Variants in SRRM4 observed in about 807,000 individuals in gnomAD.
SRRM4 encodes the protein serine/arginine repetitive matrix protein 4.
A neutral mutation model predicts 68.9 loss-of-function variants in SRRM4; 33 were observed. The observed-to-expected ratio is 0.48, with a 90% confidence interval of 0.36 to 0.64. SRRM4 has a LOEUF of 0.64. Ranked by LOEUF, SRRM4 falls within the 30% of genes least tolerant of loss-of-function variation. The pLI is 0.00. For missense variants in SRRM4, 817 were observed against 827.1 expected (o/e 0.99, Z 0.15); for synonymous variants, 318 against 318.8 (o/e 1.00, Z 0.03).
At chr12:119,134,139 C>A (rs887733972) in intron 8 of SRRM4, among the ~76,000 whole-genome samples, 3 of 152,066 alleles carry the variant, frequency 2.0e-5, no homozygotes, top group Non-Finnish European at 4.4e-5. Context: ...ACATGCACAG[C>A]TTTTTTAAAA....
rs538683945 is a variant in SRRM4 at position 118,999,236 on chromosome 12, C to T, written c.131+17223C>T. On this transcript the variant is annotated intron_variant, in intron 1 of 12. Coordinates refer to ENST00000267260, the MANE Select transcript of SRRM4 (RefSeq NM_194286.4). Reference sequence around the variant, plus strand: ...CAAGTCCAGGAGGGAGAGTCCTGCACCTGGGGAGCTATTTCTGGCCGTGTG... The same window carrying T: ...CAAGTCCAGGAGGGAGAGTCCTGCATCTGGGGAGCTATTTCTGGCCGTGTG... Among the ~76,000 whole-genome samples the T allele has an allele frequency of 2.0e-5, 3 of 152,266 alleles. No individual in the cohort carries two copies. The South Asian group carries it at 6.2e-4, about 32-fold the overall frequency.
At chr12:119,030,849 C>T (rs1953584744) in intron 1 of SRRM4, among the ~76,000 whole-genome samples, 1 of 152,110 alleles carries the variant, frequency 6.6e-6, no homozygotes, top group Non-Finnish European at 1.5e-5. Context: ...ATATGGTTCA[C>T]CTGTATTATA....
chr12:119,070,003 G>A (rs1482355023), intron 1 of SRRM4, among the ~76,000 whole-genome samples: 2 of 152,078 alleles, frequency 1.3e-5, no homozygotes, highest in East Asian at 3.9e-4. Flanking sequence ...AGGTGTTAGG[G>A]GCCGGGGGCA....
chr12:119,155,933 C>G (rs1367909192), intron 12 of SRRM4, among the ~76,000 whole-genome samples: 1 of 152,164 alleles, frequency 6.6e-6, no homozygotes, highest in Admixed American at 6.5e-5. Context: ...AAATGGCTGT[C>G]TAGTTTCTTT....
At position 119,157,913 on chromosome 12, in the gene SRRM4, A is replaced by T. The variant is rs1954484380; in HGVS notation, c.*1115A>T. The T allele has an allele frequency of 6.5e-6, 1 of 152,744 alleles. No individual in the cohort carries two copies. Among genetic ancestry groups the T allele is most frequent in the Admixed American group, 6.6e-5 (1 of 15,256 alleles). The allele number at this position is 152,744 out of a possible 1,614,324, so 9.5% of individuals were successfully genotyped here. On this transcript the variant is annotated 3_prime_UTR_variant, in exon 13 of 13. Coordinates refer to ENST00000267260, the MANE Select transcript of SRRM4 (RefSeq NM_194286.4). The surrounding 1 kb of genome is among the most constrained non-coding windows in gnomAD (Gnocchi z 4.1). ...GAATTTTGCCAGGATGGGGCACAGC[A>T]GCTCAGGTTTGGGGGAAAAGACCCG...
At chr12:119,083,218 C>T (rs895095473) in intron 1 of SRRM4, among the ~76,000 whole-genome samples, 4 of 152,026 alleles carry the variant, frequency 2.6e-5, no homozygotes, top group Admixed American at 6.5e-5. Flanking sequence ...TCTGAGCACA[C>T]CAGCTTGACT....
intron 1 of SRRM4, among the ~76,000 whole-genome samples, chr12:119,064,095 G>C (rs1658941435): frequency 6.6e-6 from 1 of 152,162 alleles, no homozygotes; most frequent in Non-Finnish European, 1.5e-5. Context: ...AGCAGGGTGA[G>C]AGCAACTCCA....
chr12:119,007,836 T>A (rs1953425230), intron 1 of SRRM4, among the ~76,000 whole-genome samples: 1 of 152,190 alleles, frequency 6.6e-6, no homozygotes, highest in East Asian at 1.9e-4. Context: ...GAGTGTTGCT[T>A]TTTGGTGGTT....
At position 118,987,374 on chromosome 12, in the gene SRRM4, G is replaced by C. The variant is rs552404646; in HGVS notation, c.131+5361G>C. Among the ~76,000 whole-genome samples the C allele has an allele frequency of 2.6e-5, 4 of 152,278 alleles. No homozygotes were observed. The East Asian group carries it at 7.7e-4, about 29-fold the overall frequency. On this transcript the variant is annotated intron_variant, in intron 1 of 12. Coordinates refer to ENST00000267260, the MANE Select transcript of SRRM4 (RefSeq NM_194286.4). ...GCCCCTTACTACCTGGGCTGCGCTTGTTCAGTAGTGATGCTTGGGTTCTGT... is the reference window on the plus strand; with the variant it reads ...GCCCCTTACTACCTGGGCTGCGCTTCTTCAGTAGTGATGCTTGGGTTCTGT...
intron 1 of SRRM4, among the ~76,000 whole-genome samples, chr12:119,038,581 C>T (rs936185066): frequency 3.9e-5 from 6 of 152,174 alleles, no homozygotes; most frequent in African/African-American, 1.4e-4. Context: ...GAACTTGCTA[C>T]GTCTGTTTGA....
At chr12:119,055,999 A>T (rs1471390744) in intron 1 of SRRM4, among the ~76,000 whole-genome samples, 1 of 152,190 alleles carries the variant, frequency 6.6e-6, no homozygotes, top group Non-Finnish European at 1.5e-5. Flanking sequence ...AGCTTCCAGC[A>T]ATTGCAGGGT....
intron 1 of SRRM4, among the ~76,000 whole-genome samples, chr12:119,057,625 T>C (rs1040498758): frequency 7.9e-5 from 12 of 152,226 alleles, no homozygotes; most frequent in African/African-American, 2.7e-4. Flanking sequence ...TTCCATGTCT[T>C]TGCTATTGTG....
rs770846654 is a variant in SRRM4, at chr12:119,125,495, A to G, written c.614+16A>G. ...GTGAGAGCAGGTAACCCCTTGCCCC[A>G]GGATCCTCTTCTGTCAGCCACAGCC... On this transcript the variant is annotated intron_variant, in intron 7 of 12. Transcript: ENST00000267260. 1.2e-6 allele frequency: 2 copies of G among 1,608,308 alleles called. No homozygotes were observed. The highest frequency in any genetic ancestry group is 1.1e-5 in the South Asian group (1 of 90,712).
At chr12:119,089,593 T>C (rs1954002024) in intron 1 of SRRM4, among the ~76,000 whole-genome samples, 1 of 152,182 alleles carries the variant, frequency 6.6e-6, no homozygotes, top group Non-Finnish European at 1.5e-5. Flanking sequence ...GCCTACGGAA[T>C]AAGCCTAAAG....
At chr12:119,069,221 G>A (rs1387643341) in intron 1 of SRRM4, among the ~76,000 whole-genome samples, 1 of 152,168 alleles carries the variant, frequency 6.6e-6, no homozygotes, top group Non-Finnish European at 1.5e-5. Flanking sequence ...TGTTACCGGG[G>A]GTTCCTGCCC....
chr12:119,000,526 T>C (rs1953377458), intron 1 of SRRM4, among the ~76,000 whole-genome samples: 1 of 152,210 alleles, frequency 6.6e-6, no homozygotes, highest in Non-Finnish European at 1.5e-5. Flanking sequence ...TCAGTGTTCT[T>C]GGTCTCCATT....
chr12:119,057,887 T>G (rs908449134), intron 1 of SRRM4, among the ~76,000 whole-genome samples: 8 of 152,180 alleles, frequency 5.3e-5, no homozygotes, highest in African/African-American at 1.9e-4. Flanking sequence ...TAATTGCCAT[T>G]GGTCCAGGGT....
chr12:119,031,748 A>G (rs753945259), intron 1 of SRRM4, among the ~76,000 whole-genome samples: 47 of 152,060 alleles, frequency 3.1e-4, no homozygotes, highest in Non-Finnish European at 4.9e-4. Context: ...TTGAGAGCTC[A>G]TTTATTTTTT....
Position 119,016,961 on chromosome 12 carries a change from A to G in SRRM4, c.131+34948A>G, listed in dbSNP as rs185492086. On this transcript the variant is annotated intron_variant, in intron 1 of 12. Transcript: ENST00000267260. Reference sequence around the variant, plus strand: ...ATGGGGATTAAATACCACCTACTTCATAGTATTGTTGTGATAATTAAATGA... The same window carrying G: ...ATGGGGATTAAATACCACCTACTTCGTAGTATTGTTGTGATAATTAAATGA... 3.7e-4 allele frequency among the ~76,000 whole-genome samples: 56 copies of G among 152,352 alleles called. 1 individual carries two copies. The East Asian group carries it at 9.8e-3, about 27-fold the overall frequency.
Sources: gnomAD v4.1 joint callset for allele counts (sites outside exome capture counted in the v4.1 genomes callset) on GRCh38, gnomAD v4.1.1 for gene constraint, Gnocchi (gnomAD v3.1) non-coding constraint, MANE v1.5 for transcripts, NCBI Gene and HGNC (gene_info 2026-07-23, HGNC 2026-07-21) for gene names.